CAMK1D: variants seen among roughly 807,000 people sequenced by gnomAD.
CAMK1D encodes calcium/calmodulin-dependent protein kinase type 1D.
A neutral mutation model predicts 47.7 loss-of-function variants in CAMK1D; 9 were observed. The ratio of observed to expected loss-of-function variants is 0.19; its 90% CI spans 0.11 to 0.33. CAMK1D has a LOEUF of 0.33. CAMK1D is among the 10% of genes least tolerant of loss of function. The pLI is 1.00. For synonymous variants in CAMK1D, 184 were observed against 184.9 expected (o/e 0.99, Z 0.04); for missense variants, 291 against 488.7 (o/e 0.60, Z 3.81).
At chr10:12,591,852 C>T (rs1838005443) in intron 2 of CAMK1D, among the ~76,000 whole-genome samples, 1 of 152,164 alleles carries the variant, frequency 6.6e-6, no homozygotes, top group Non-Finnish European at 1.5e-5. Flanking sequence ...TGCCACCACG[C>T]CCAGCTAATT....
intron 1 of CAMK1D, among the ~76,000 whole-genome samples, chr10:12,417,961 C>T (rs973334917): frequency 6.6e-6 from 1 of 152,018 alleles, no homozygotes; most frequent in African/African-American, 2.4e-5. Context: ...GCCACCACAC[C>T]CGGCTAATTT....
chr10:12,408,050 G>T (rs1839509077), intron 1 of CAMK1D, among the ~76,000 whole-genome samples: 1 of 152,012 alleles, frequency 6.6e-6, no homozygotes, highest in African/African-American at 2.4e-5. Flanking sequence ...TAGAGACGGT[G>T]TTTTACCATG....
intron 7 of CAMK1D, among the ~76,000 whole-genome samples, chr10:12,815,243 A>T (rs1171166628): frequency 6.6e-6 from 1 of 152,216 alleles, no homozygotes; most frequent in African/African-American, 2.4e-5. Flanking sequence ...TGTGTAAATT[A>T]ATGAAATCTC....
At chr10:12,620,836 CTT>C (rs755738614) in intron 2 of CAMK1D, among the ~76,000 whole-genome samples, 56 of 152,178 alleles carry the variant, frequency 3.7e-4, no homozygotes, top group Non-Finnish European at 6.9e-4. Context: ...TGTAAGAACT[CTT>C]TGTCTTGCCT....
At chr10:12,613,266 G>A (rs147191420) in intron 2 of CAMK1D, among the ~76,000 whole-genome samples, 5 of 152,300 alleles carry the variant, frequency 3.3e-5, no homozygotes, top group East Asian at 3.9e-4. Flanking sequence ...GCACCTAAGC[G>A]TGATAGATGG....
At chr10:12,608,367 G>A (rs572639065) in intron 2 of CAMK1D, among the ~76,000 whole-genome samples, 23 of 152,348 alleles carry the variant, frequency 1.5e-4, no homozygotes, top group African/African-American at 4.6e-4. Context: ...ACAGTGAGCC[G>A]AGATTGTGCC....
intron 1 of CAMK1D, among the ~76,000 whole-genome samples, chr10:12,379,991 G>C (rs977319111): frequency 6.6e-6 from 1 of 151,902 alleles, no homozygotes; most frequent in African/African-American, 2.4e-5. Flanking sequence ...GAGGCGGGCG[G>C]ATCATGAGGT....
intron 3 of CAMK1D, among the ~76,000 whole-genome samples, chr10:12,704,137 C>T (rs1317900343): frequency 6.6e-6 from 1 of 152,138 alleles, no homozygotes; most frequent in Non-Finnish European, 1.5e-5. Flanking sequence ...ACTCTTACTG[C>T]AGGTGTGTCC....
chr10:12,451,002 G>T (rs1017887230), intron 1 of CAMK1D, among the ~76,000 whole-genome samples: 2 of 152,126 alleles, frequency 1.3e-5, no homozygotes, highest in African/African-American at 4.8e-5. Context: ...AGACCTGCCC[G>T]CCATGTAAGA....
intron 8 of CAMK1D, among the ~76,000 whole-genome samples, chr10:12,818,664 C>G (rs1277264186): frequency 7.1e-6 from 1 of 140,826 alleles, no homozygotes; most frequent in Non-Finnish European, 1.5e-5. Flanking sequence ...GAGCGAGACT[C>G]TGTCCCAAAA....
intron 6 of CAMK1D, among the ~76,000 whole-genome samples, chr10:12,801,620 C>T (rs1838486871): frequency 6.6e-6 from 1 of 152,126 alleles, no homozygotes; most frequent in African/African-American, 2.4e-5. Flanking sequence ...ATCCTTCCAT[C>T]CATCTATCTA....
At position 12,501,548 on chromosome 10, in the gene CAMK1D, C is replaced by T. The variant is rs139320750; in HGVS notation, c.93-51677C>T. Among the ~76,000 whole-genome samples, 13 of 152,176 alleles carry T rather than the reference C, an allele frequency of 8.5e-5. No individual in the cohort carries two copies. The East Asian group carries it at 2.1e-3, about 25-fold the overall frequency. ...TATGCACGGCTCTGTGCTAGGGGCT[C>T]GGAGGAAATAAAAAGAAATGAAGAA... is the stretch of plus-strand genomic sequence containing the variant. On this transcript the variant is annotated intron_variant, in intron 1 of 10. Coordinates refer to ENST00000619168, the MANE Select transcript of CAMK1D (RefSeq NM_153498.4).
At chr10:12,672,990 G>A (rs1454327861) in intron 3 of CAMK1D, among the ~76,000 whole-genome samples, 2 of 144,702 alleles carry the variant, frequency 1.4e-5, no homozygotes, top group South Asian at 2.3e-4. Context: ...TCCGCCTCCC[G>A]GGTTCAAGCA....
intron 3 of CAMK1D, among the ~76,000 whole-genome samples, chr10:12,747,109 G>A (rs1409384059): frequency 6.6e-6 from 1 of 152,016 alleles, no homozygotes; most frequent in African/African-American, 2.4e-5. Flanking sequence ...TCGGCTCGCT[G>A]CAGCCTCCAT....
intron 10 of CAMK1D, 29 bp downstream of exon 10, chr10:12,825,719 C>G (rs748199945): frequency 6.2e-7 from 1 of 1,613,840 alleles, no homozygotes; most frequent in Non-Finnish European, 8.5e-7. Flanking sequence ...CAGAATCCCT[C>G]AGCTGACACT....
At chr10:12,572,356 C>G (rs532209415) in intron 2 of CAMK1D, among the ~76,000 whole-genome samples, 20 of 152,298 alleles carry the variant, frequency 1.3e-4, no homozygotes, top group African/African-American at 4.3e-4. Context: ...CCATGTAAGA[C>G]GTGCCTTGCT....
At chr10:12,721,243 G>A (rs568329971) in intron 3 of CAMK1D, among the ~76,000 whole-genome samples, 65 of 152,288 alleles carry the variant, frequency 4.3e-4, no homozygotes, top group African/African-American at 1.5e-3. Flanking sequence ...TAAGTAATTC[G>A]AGACCAGTCA....
chr10:12,794,376 T>C (rs182934134), intron 6 of CAMK1D, among the ~76,000 whole-genome samples: 1 of 152,254 alleles, frequency 6.6e-6, no homozygotes, highest in East Asian at 1.9e-4. Flanking sequence ...AATTTGGTTT[T>C]GGATACATTA....
intron 2 of CAMK1D, among the ~76,000 whole-genome samples, chr10:12,650,723 C>T (rs894237440): frequency 3.9e-5 from 6 of 152,342 alleles, no homozygotes; most frequent in African/African-American, 1.4e-4. Context: ...GTGCCGCGTT[C>T]TCTTGTGATG....
Sources: allele counts gnomAD v4.1 joint callset (sites outside exome capture counted in the v4.1 genomes callset), GRCh38; gene constraint gnomAD v4.1.1; transcripts MANE v1.5; gene names NCBI Gene and HGNC (gene_info 2026-07-23, HGNC 2026-07-21).